The following ZNF454 variants were observed in gnomAD, a reference collection of about 807,000 sequenced individuals.
ZNF454 encodes the protein zinc finger protein 454.
A neutral mutation model predicts 48.2 loss-of-function variants in ZNF454; 30 were observed. That is an observed-to-expected ratio of 0.62 (90% CI 0.47 to 0.84). The LOEUF is 0.84. Ranked by LOEUF, ZNF454 falls within the 40% of genes least tolerant of loss-of-function variation. The pLI, the probability that ZNF454 is intolerant of heterozygous loss-of-function variation, is 0.00. For synonymous variants in ZNF454, 204 were observed against 211.4 expected, an observed-to-expected ratio of 0.97 and a Z score of 0.30; for missense variants, 510 against 623.1, an observed-to-expected ratio of 0.82 and a Z score of 1.93.
At chr5:178,945,525 T>TG (rs1024053810) in intron 2 of ZNF454, among the ~76,000 whole-genome samples, 7 of 146,166 alleles carry the variant, frequency 4.8e-5, no homozygotes, top group South Asian at 2.3e-4. Flanking sequence ...CATCTCTGTG[T>TG]GGGGGGTGTG....
chr5:178,958,133 C>T (rs1222484563), intron 4 of ZNF454, among the ~76,000 whole-genome samples: 1 of 152,044 alleles, frequency 6.6e-6, no homozygotes. Context: ...CTATATACAT[C>T]TTTATACTAA....
chr5:178,971,136 T>C (rs1304828415), downstream of ZNF454, among the ~76,000 whole-genome samples: 1 of 152,200 alleles, frequency 6.6e-6, no homozygotes, highest in African/African-American at 2.4e-5. Context: ...GTCAGTGAGA[T>C]TGAGCCAAAA....
chr5:178,941,761 T>TC lies in ZNF454; in HGVS notation c.-108+321dup, dbSNP rs1469630882. On this transcript the variant is annotated intron_variant, in intron 1 of 4. Coordinates refer to ENST00000519564, the MANE Select transcript of ZNF454 (RefSeq NM_001178089.3). The surrounding 1 kb of genome is among the most constrained non-coding windows in gnomAD (Gnocchi z 5.5). ...GATTAGGGTTCCTAACCCTTCCCTC[T>TC]CCCCTCCCGCCCAGCTCACACAAAC... Among the ~76,000 whole-genome samples the TC allele has an allele frequency of 6.6e-6, 1 of 151,684 alleles. No homozygotes were observed. The highest frequency in any genetic ancestry group is 1.5e-5 in the Non-Finnish European group (1 of 67,926).
At chr5:178,961,634 G>A (rs902628629) in intron 4 of ZNF454, among the ~76,000 whole-genome samples, 1 of 151,204 alleles carries the variant, frequency 6.6e-6, no homozygotes, top group Non-Finnish European at 1.5e-5. Context: ...TGGGCAACAC[G>A]GTGAAACCCT....
chr5:178,979,734 C>G, the ZNF454 span: 3 of 152,178 alleles, frequency 2.0e-5, no homozygotes, highest in Admixed American at 6.5e-5. Flanking sequence ...CAGCTAGAAG[C>G]CAGAGCGCAC....
At chr5:178,986,548 G>T in the ZNF454 span, 4 of 1,607,604 alleles carry the variant, frequency 2.5e-6, no homozygotes, top group Non-Finnish European at 3.4e-6. Flanking sequence ...GCGGCAGCCC[G>T]TGTGGTTGGG....
chr5:178,981,603 G>T, the ZNF454 span: 1 of 1,394,616 alleles, frequency 7.2e-7, no homozygotes, highest in Non-Finnish European at 1.0e-6. This position sits in a 1 kb window ranked among gnomAD's most constrained non-coding sequence, Gnocchi z 5.1. Flanking sequence ...CTTCCACCTC[G>T]AGGCAAGAGG....
chr5:178,964,565 C>G, intron 4 of ZNF454, 90 bp from the exon 5 acceptor site: 1 of 989,700 alleles, frequency 1.0e-6, no homozygotes, highest in Non-Finnish European at 1.5e-6. Flanking sequence ...TGAAATCTTT[C>G]TGTTAGCATT....
the ZNF454 span, chr5:178,988,923 G>A: frequency 1.2e-6 from 2 of 1,605,938 alleles, no homozygotes; most frequent in East Asian, 4.5e-5. This position sits in a 1 kb window ranked among gnomAD's most constrained non-coding sequence, Gnocchi z 6.0. Flanking sequence ...AGGGGGGCAG[G>A]CACCCACTCA....
chr5:178,966,678 T>G (rs1156504489), downstream of ZNF454, among the ~76,000 whole-genome samples: 1 of 152,194 alleles, frequency 6.6e-6, no homozygotes, highest in East Asian at 1.9e-4. Context: ...TGCACTCTAC[T>G]AGATTCTCTT....
At chr5:178,983,474 A>G in the ZNF454 span, 1 of 676,264 alleles carries the variant, frequency 1.5e-6, no homozygotes, top group African/African-American at 1.8e-5. Flanking sequence ...TGCCGCCCGT[A>G]TATGTTGGCA....
chr5:178,970,488 T>A (rs537877667), downstream of ZNF454, among the ~76,000 whole-genome samples: 1 of 152,276 alleles, frequency 6.6e-6, no homozygotes, highest in East Asian at 1.9e-4. Context: ...CAGCACTGGG[T>A]GGTACTCACA....
At chr5:178,952,130 C>T (rs973027183) in intron 4 of ZNF454, among the ~76,000 whole-genome samples, 34 of 151,856 alleles carry the variant, frequency 2.2e-4, no homozygotes, top group Non-Finnish European at 7.4e-5. Flanking sequence ...CTCCTCCTCC[C>T]GGGTTCACGC....
the ZNF454 span, chr5:178,986,172 G>T: frequency 6.2e-7 from 1 of 1,613,954 alleles, no homozygotes; most frequent in Admixed American, 1.7e-5. Context: ...GCTGTGAGGT[G>T]GGGCTGATGA....
At chr5:178,954,647 C>T (rs868312551) in intron 4 of ZNF454, among the ~76,000 whole-genome samples, 29 of 152,300 alleles carry the variant, frequency 1.9e-4, no homozygotes, top group Middle Eastern at 6.8e-3. Flanking sequence ...CAATTTGTAG[C>T]CATCACCAAA....
At chr5:178,969,408 C>T, downstream of ZNF454, 1 of 454,180 alleles carries the variant, frequency 2.2e-6, no homozygotes, top group Non-Finnish European at 4.4e-6. Flanking sequence ...GGGTTAATCC[C>T]CAAAGAACCA....
intron 4 of ZNF454, among the ~76,000 whole-genome samples, chr5:178,964,065 A>T (rs1353314631): frequency 6.6e-6 from 1 of 151,142 alleles, no homozygotes; most frequent in Non-Finnish European, 1.5e-5. Flanking sequence ...AAAATCAGAT[A>T]ACTTCTCTAT....
chr5:178,982,700 A>AG, the ZNF454 span: 2 of 506,088 alleles, frequency 4.0e-6, no homozygotes, highest in South Asian at 2.8e-5. Context: ...GATAAAAAAA[A>AG]AAAAGAAAAA....
chr5:178,981,530 G>A, the ZNF454 span: 40 of 711,166 alleles, frequency 5.6e-5, no homozygotes, highest in Admixed American at 9.3e-4. This position sits in a 1 kb window ranked among gnomAD's most constrained non-coding sequence, Gnocchi z 5.1. Flanking sequence ...CCACCGACGC[G>A]GAGCATGGTC....
Sources: allele counts gnomAD v4.1 joint callset (sites outside exome capture counted in the v4.1 genomes callset), GRCh38; gene constraint gnomAD v4.1.1; non-coding constraint Gnocchi (gnomAD v3.1); transcripts MANE v1.5; gene names NCBI Gene and HGNC (gene_info 2026-07-23, HGNC 2026-07-21).